Variants in SPOCK1 observed in about 807,000 individuals in gnomAD.
SPOCK1 encodes the protein testican-1.
In SPOCK1, 23 loss-of-function variants were observed where a neutral mutation model predicts 55.3. That is an observed-to-expected ratio of 0.42 (90% CI 0.30 to 0.59). The LOEUF (loss-of-function observed/expected upper bound fraction) is 0.59, where lower values mean the gene tolerates loss of function less well. Among genes scored for constraint, SPOCK1 ranks in the 20% least tolerant of loss-of-function variants. The pLI is 0.22. For missense variants in SPOCK1, 499 were observed against 552.5 expected (o/e 0.90, Z 0.97); for synonymous variants, 226 against 221.0 (o/e 1.02, Z -0.20).
chr5:137,030,814 CA>C (rs1156618471), intron 6 of SPOCK1, among the ~76,000 whole-genome samples: 1 of 151,626 alleles, frequency 6.6e-6, no homozygotes, highest in Non-Finnish European at 1.5e-5. Flanking sequence ...TTTTGAATAG[CA>C]AAAAAAAGTC....
At chr5:137,455,373 C>T (rs1392657633) in intron 2 of SPOCK1, among the ~76,000 whole-genome samples, 1 of 152,142 alleles carries the variant, frequency 6.6e-6, no homozygotes, top group Non-Finnish European at 1.5e-5. Flanking sequence ...GTTTCCAGGG[C>T]ACACTGTAGG....
chr5:137,490,396 C>T (rs1754149153), intron 2 of SPOCK1, among the ~76,000 whole-genome samples: 1 of 152,132 alleles, frequency 6.6e-6, no homozygotes, highest in East Asian at 1.9e-4. Context: ...AGAACTTCCC[C>T]AAGTATAGTG....
intron 5 of SPOCK1, among the ~76,000 whole-genome samples, chr5:137,088,308 G>A (rs575685331): frequency 7.2e-5 from 11 of 152,288 alleles, no homozygotes; most frequent in Admixed American, 6.5e-4. Context: ...CATATTTGTC[G>A]GGTAAACCTG....
At chr5:137,006,544 T>C (rs1202640554) in intron 6 of SPOCK1, among the ~76,000 whole-genome samples, 1 of 152,222 alleles carries the variant, frequency 6.6e-6, no homozygotes, top group Non-Finnish European at 1.5e-5. Context: ...TGCACATTGA[T>C]TTTGTATCCT....
At position 137,287,221 on chromosome 5, in the gene SPOCK1, C is replaced by T. The variant is rs1420383147; in HGVS notation, c.187-20166G>A. Among the ~76,000 whole-genome samples, 4 of 152,204 alleles carry T rather than the reference C, an allele frequency of 2.6e-5. 1 individual carries two copies. The South Asian group carries it at 6.2e-4, about 24-fold the overall frequency. On this transcript the variant is annotated intron_variant, in intron 2 of 10. Coordinates refer to ENST00000394945, the MANE Select transcript of SPOCK1 (RefSeq NM_004598.4). ...GGTGCAAACTGTTTCTGCCCTAAAG[C>T]TCCCTGTCAGAAGACAGCCGGGGTC...
chr5:137,206,025 G>C (rs1203242764), intron 3 of SPOCK1, among the ~76,000 whole-genome samples: 1 of 152,148 alleles, frequency 6.6e-6, no homozygotes, highest in Non-Finnish European at 1.5e-5. Flanking sequence ...CAGGCAGGCA[G>C]ATCAGAAAAC....
rs779124569 is a variant in SPOCK1 at position 137,498,547 on chromosome 5, G to A, written c.12C>T (p.Ile4=). Residue 4 remains isoleucine (I), a synonymous_variant, in exon 2 of 11, where the codon ATC becomes ATT. Coordinates refer to ENST00000394945, the MANE Select transcript of SPOCK1 (RefSeq NM_004598.4). ...CCGCGGCGGCCGCCGCCAACACCGCGATCGCCGGCATCTGCGGGGCAGGGC... is the reference window on the plus strand; with the variant it reads ...CCGCGGCGGCCGCCGCCAACACCGCAATCGCCGGCATCTGCGGGGCAGGGC... MPA[I]AVLAAAAAAW... is the part of the protein sequence containing the mutation. 4 of 1,526,768 alleles carry A rather than the reference G, an allele frequency of 2.6e-6. No homozygotes were observed. In the African/African-American group the frequency reaches 5.6e-5, roughly 21 times the overall value. 94.6% of individuals were successfully genotyped at this position (1,526,768 alleles called of 1,614,324 possible). A position where few individuals can be genotyped will look rare whatever the true frequency, so the allele number is the denominator to read the frequency against.
chr5:136,982,542 G>T (rs1455639011), intron 9 of SPOCK1, among the ~76,000 whole-genome samples: 2 of 151,506 alleles, frequency 1.3e-5, no homozygotes, highest in Non-Finnish European at 2.9e-5. Flanking sequence ...TATTCTTGTG[G>T]TTACTCATAT....
rs17702745 is a variant in SPOCK1, at chr5:136,977,690, C to T, written c.*964G>A. The stretch of plus-strand genomic sequence containing the variant: ...AGATGGCTTGTGAAGCTGCCCGTGT[C>T]GTGTGGGAGTCGCATGGCTTCTGCG... On this transcript the variant is annotated 3_prime_UTR_variant, in exon 11 of 11. Coordinates refer to ENST00000394945, the MANE Select transcript of SPOCK1 (RefSeq NM_004598.4). 2,238 of 397,878 alleles carry T rather than the reference C, an allele frequency of 5.6e-3. 26 individuals carry two copies. The highest frequency in any genetic ancestry group is 0.037 in the South Asian group (277 of 7,454). The allele number at this position is 397,878 out of a possible 1,614,324, so 24.6% of individuals were successfully genotyped here.
At chr5:137,130,200 A>C (rs1243208184) in intron 4 of SPOCK1, among the ~76,000 whole-genome samples, 2 of 152,174 alleles carry the variant, frequency 1.3e-5, no homozygotes, top group African/African-American at 2.4e-5. Flanking sequence ...AACCAATCTA[A>C]AGTGATTCTT....
intron 2 of SPOCK1, among the ~76,000 whole-genome samples, chr5:137,343,236 C>T (rs1561510028): frequency 6.6e-6 from 1 of 152,222 alleles, no homozygotes; most frequent in South Asian, 2.1e-4. Flanking sequence ...ACTAGCTAGA[C>T]CTGCAGACCT....
At chr5:137,251,445 T>G (rs1394546289) in intron 3 of SPOCK1, among the ~76,000 whole-genome samples, 3 of 151,532 alleles carry the variant, frequency 2.0e-5, no homozygotes, top group East Asian at 3.9e-4. Flanking sequence ...AGCTGGGGGG[T>G]TTTTGGCAAG....
chr5:137,393,946 T>C (rs1296852643), intron 2 of SPOCK1, among the ~76,000 whole-genome samples: 1 of 152,118 alleles, frequency 6.6e-6, no homozygotes, highest in Admixed American at 6.5e-5. Context: ...GTTTTAGGGT[T>C]TTTTTTTCAA....
chr5:137,355,663 C>G (rs969841508), intron 2 of SPOCK1, among the ~76,000 whole-genome samples: 1 of 152,182 alleles, frequency 6.6e-6, no homozygotes, highest in Non-Finnish European at 1.5e-5. Flanking sequence ...AGCATTCCCA[C>G]CACACCTTTT....
chr5:137,246,826 T>A (rs1357078955), intron 3 of SPOCK1, among the ~76,000 whole-genome samples: 1 of 152,048 alleles, frequency 6.6e-6, no homozygotes, highest in East Asian at 1.9e-4. Context: ...AAGCTGAAAA[T>A]CACAGAGTGA....
chr5:137,065,442 A>G (rs1006465912), intron 6 of SPOCK1, among the ~76,000 whole-genome samples: 2 of 152,180 alleles, frequency 1.3e-5, no homozygotes, highest in Non-Finnish European at 2.9e-5. Context: ...TTAGAACCTC[A>G]TGGAAAGAAT....
At chr5:137,084,160 G>C (rs1235097563) in intron 5 of SPOCK1, among the ~76,000 whole-genome samples, 1 of 152,006 alleles carries the variant, frequency 6.6e-6, no homozygotes, top group Non-Finnish European at 1.5e-5. Context: ...GCAGACTCAG[G>C]AAGCTATGGC....
At chr5:137,184,578 A>C (rs1755030060) in intron 3 of SPOCK1, among the ~76,000 whole-genome samples, 5 of 152,114 alleles carry the variant, frequency 3.3e-5, no homozygotes, top group Admixed American at 3.3e-4. Context: ...ATAAATACCC[A>C]TGTCCATGAG....
intron 2 of SPOCK1, among the ~76,000 whole-genome samples, chr5:137,449,380 T>A (rs1753201105): frequency 1.3e-5 from 2 of 152,218 alleles, no homozygotes; most frequent in Admixed American, 1.3e-4. Context: ...AATAACCAGT[T>A]AGTTTCCTCA....
Sources: gnomAD v4.1 joint callset for allele counts (sites outside exome capture counted in the v4.1 genomes callset) on GRCh38, gnomAD v4.1.1 for gene constraint, MANE v1.5 for transcripts, NCBI Gene and HGNC (gene_info 2026-07-23, HGNC 2026-07-21) for gene names.